The following LRRC4C variants were observed in gnomAD, a reference collection of about 807,000 sequenced individuals.
LRRC4C encodes leucine rich repeat containing 4C.
Under a neutral mutation model 33.6 loss-of-function variants are expected in LRRC4C, and 5 were observed. The observed-to-expected ratio is 0.15, with a 90% CI of 0.08 to 0.31. The LOEUF (loss-of-function observed/expected upper bound fraction) is 0.31, where lower values mean the gene tolerates loss of function less well. Ranked by LOEUF, LRRC4C falls within the 10% of genes least tolerant of loss-of-function variation. The pLI, the probability that LRRC4C is intolerant of heterozygous loss-of-function variation, is 1.00. For synonymous variants in LRRC4C, 329 were observed against 302.0 expected, an observed-to-expected ratio of 1.09 and a Z score of -0.93; for missense variants, 560 against 796.7, an observed-to-expected ratio of 0.70 and a Z score of 3.58.
chr11:40,150,158 G>A (rs1858071515), intron 5 of LRRC4C, among the ~76,000 whole-genome samples: 1 of 151,996 alleles, frequency 6.6e-6, no homozygotes, highest in Non-Finnish European at 1.5e-5. Context: ...TTCTCCCTGT[G>A]TCTCTCCTCT....
intron 3 of LRRC4C, among the ~76,000 whole-genome samples, chr11:40,594,024 A>G (rs1959167916): frequency 6.6e-6 from 1 of 152,170 alleles, no homozygotes; most frequent in Non-Finnish European, 1.5e-5. Context: ...TGGAAGCTCA[A>G]ATACTATCTA....
intron 6 of LRRC4C, among the ~76,000 whole-genome samples, chr11:40,134,919 A>C (rs1320462122): frequency 6.6e-6 from 1 of 152,282 alleles, no homozygotes; most frequent in Admixed American, 6.5e-5. Flanking sequence ...AAATTCACCA[A>C]AATGACCCAC....
chr11:41,145,330 T>C (rs140078585), intron 1 of LRRC4C, among the ~76,000 whole-genome samples: 40 of 152,282 alleles, frequency 2.6e-4, no homozygotes, highest in Admixed American at 9.2e-4. Flanking sequence ...CATTTCTTAT[T>C]ATGTTTTTTA....
chr11:40,538,382 G>A (rs1170842502), intron 3 of LRRC4C, among the ~76,000 whole-genome samples: 1 of 151,960 alleles, frequency 6.6e-6, no homozygotes, highest in Admixed American at 6.6e-5. Context: ...CATATGCAGT[G>A]TTTGGTTTTC....
chr11:41,200,651 C>A (rs189657554), intron 1 of LRRC4C, among the ~76,000 whole-genome samples: 1 of 152,232 alleles, frequency 6.6e-6, no homozygotes, highest in African/African-American at 2.4e-5. Context: ...CCACCACTCC[C>A]TGAGCTTAAA....
chr11:41,246,124 G>C (rs1047746769), intron 1 of LRRC4C, among the ~76,000 whole-genome samples: 1 of 152,106 alleles, frequency 6.6e-6, no homozygotes, highest in Admixed American at 6.5e-5. Context: ...TCCTGCTGCC[G>C]TTTATCTGCC....
intron 2 of LRRC4C, among the ~76,000 whole-genome samples, chr11:40,669,238 A>T (rs1943962060): frequency 1.3e-5 from 2 of 152,182 alleles, no homozygotes; most frequent in South Asian, 4.1e-4. Flanking sequence ...GACTTCAATG[A>T]GTTTTTAGGA....
chr11:40,886,046 A>C (rs1256424918), intron 2 of LRRC4C, among the ~76,000 whole-genome samples: 1 of 152,090 alleles, frequency 6.6e-6, no homozygotes, highest in Non-Finnish European at 1.5e-5. Context: ...AATGAGAGAA[A>C]TTGTCAGTGG....
At chr11:40,915,700 T>A (rs1420102196) in intron 2 of LRRC4C, among the ~76,000 whole-genome samples, 2 of 152,156 alleles carry the variant, frequency 1.3e-5, no homozygotes, top group Non-Finnish European at 2.9e-5. Flanking sequence ...ACAAATGGGA[T>A]CTTGTTAAAC....
chr11:41,268,427 C>T (rs1268669116), intron 1 of LRRC4C, among the ~76,000 whole-genome samples: 2 of 152,076 alleles, frequency 1.3e-5, no homozygotes, highest in Non-Finnish European at 2.9e-5. Context: ...GGCTCTGTGG[C>T]AATATTGTTA....
intron 1 of LRRC4C, among the ~76,000 whole-genome samples, chr11:41,136,823 A>C (rs1252275566): frequency 6.6e-6 from 1 of 152,186 alleles, no homozygotes; most frequent in African/African-American, 2.4e-5. Context: ...GCCACTGCCT[A>C]TAAGGAATTG....
At chr11:40,924,076 G>A (rs1262273914) in intron 2 of LRRC4C, among the ~76,000 whole-genome samples, 1 of 150,110 alleles carries the variant, frequency 6.7e-6, no homozygotes, top group African/African-American at 2.4e-5. Flanking sequence ...ATATATATGT[G>A]TGTGTATATA....
intron 2 of LRRC4C, among the ~76,000 whole-genome samples, chr11:40,765,110 C>G (rs1046789991): frequency 2.6e-5 from 4 of 152,168 alleles, no homozygotes; most frequent in Non-Finnish European, 4.4e-5. Flanking sequence ...CAGTGACCAG[C>G]TGCAAAGTGA....
At chr11:41,246,338 G>A (rs916497857) in intron 1 of LRRC4C, among the ~76,000 whole-genome samples, 2 of 152,134 alleles carry the variant, frequency 1.3e-5, no homozygotes, top group Non-Finnish European at 2.9e-5. Flanking sequence ...ACAGCGCCTG[G>A]GCTTGGCCAC....
chr11:41,334,914 G>A (rs868618255), intron 1 of LRRC4C, among the ~76,000 whole-genome samples: 4 of 151,858 alleles, frequency 2.6e-5, no homozygotes, highest in Admixed American at 6.6e-5. Context: ...ATACACACAA[G>A]AGTTTCTTTC....
chr11:40,761,378 T>A (rs1169554006), intron 2 of LRRC4C, among the ~76,000 whole-genome samples: 2 of 152,180 alleles, frequency 1.3e-5, no homozygotes, highest in Non-Finnish European at 2.9e-5. Flanking sequence ...AAGCTTGTTA[T>A]GAGCTGTTTC....
At chr11:41,414,434 AT>A (rs1249406209) in intron 1 of LRRC4C, among the ~76,000 whole-genome samples, 2 of 152,138 alleles carry the variant, frequency 1.3e-5, no homozygotes, top group African/African-American at 4.8e-5. Flanking sequence ...TACCTCTGGG[AT>A]TTTTTATTCA....
At chr11:41,359,271 C>T (rs1952265452) in intron 1 of LRRC4C, among the ~76,000 whole-genome samples, 1 of 152,136 alleles carries the variant, frequency 6.6e-6, no homozygotes, top group Non-Finnish European at 1.5e-5. Flanking sequence ...ATGGTGGATA[C>T]ATGTCATTAT....
chr11:40,364,802 T>C (rs1948134670), intron 3 of LRRC4C, among the ~76,000 whole-genome samples: 1 of 151,856 alleles, frequency 6.6e-6, no homozygotes, highest in African/African-American at 2.4e-5. Flanking sequence ...ACAGCCAAAA[T>C]AGACCCACTC....
Sources: allele counts gnomAD v4.1 joint callset (sites outside exome capture counted in the v4.1 genomes callset), GRCh38; gene constraint gnomAD v4.1.1; transcripts MANE v1.5; gene names NCBI Gene and HGNC (gene_info 2026-07-23, HGNC 2026-07-21).